Variants in WNK2 observed in about 807,000 individuals in gnomAD.
WNK2 encodes serine/threonine-protein kinase WNK2.
WNK2 carries 67 observed loss-of-function variants against 192.1 expected under a neutral mutation model. That is an observed-to-expected ratio of 0.35 (90% CI 0.29 to 0.43). The LOEUF (loss-of-function observed/expected upper bound fraction) is 0.43, where lower values mean the gene tolerates loss of function less well. WNK2 is among the 20% of genes least tolerant of loss of function. The pLI is 1.00. For synonymous variants in WNK2, 1,439 were observed against 1,393.9 expected (o/e 1.03, Z -0.72); for missense variants, 2,698 against 3,089.7 (o/e 0.87, Z 3.01).
Position 93,229,945 on chromosome 9 carries a change from G to A in WNK2, c.854+77G>A. 1 of 1,533,620 alleles carries A rather than the reference G, an allele frequency of 6.5e-7. No homozygotes were observed. Among genetic ancestry groups the A allele is most frequent in the South Asian group, 1.2e-5 (1 of 81,998 alleles). On this transcript the variant is annotated intron_variant, in intron 3 of 29. Transcript: ENST00000427277. The surrounding 1 kb of genome is among the most constrained non-coding windows in gnomAD (Gnocchi z 4.9). ...TACCATAGCTGAGGGTGAGGTCTTGGGCTGCTGGGGTGGTCCTGGCTGGTG... is the reference window on the plus strand; with the variant it reads ...TACCATAGCTGAGGGTGAGGTCTTGAGCTGCTGGGGTGGTCCTGGCTGGTG...
rs767357317 is a variant in WNK2, at chr9:93,320,387, G to A, written c.6649G>A (p.Asp2217Asn). The change falls in exon 30 of 30, where the codon GAC becomes AAC. Residue 2217 changes from aspartate to asparagine, a missense_variant. Physicochemically the swap from Asp to Asn is conservative, Grantham distance 23. Coordinates refer to ENST00000427277, the MANE Select transcript of WNK2 (RefSeq NM_006648.4). ...PTPDPESEKP[D>N] ...TCCAGATCCTGAGAGTGAGAAGCCT[G>A]ACTGACCCCGCCTAGACGCCAGGCC... 1 of 1,367,638 alleles carries A rather than the reference G, an allele frequency of 7.3e-7. No individual in the cohort carries two copies. Among genetic ancestry groups the A allele is most frequent in the East Asian group, 4.5e-5 (1 of 21,992 alleles). The allele number at this position is 1,367,638 out of a possible 1,614,324, so 84.7% of individuals were successfully genotyped here.
chr9:93,314,832 G>A (rs1164481728), intron 28 of WNK2, among the ~76,000 whole-genome samples: 1 of 152,180 alleles, frequency 6.6e-6, no homozygotes, highest in Admixed American at 6.5e-5. Context: ...CTTCTTTGGT[G>A]AGAGGAACGA....
chr9:93,248,427 A>T (rs931230189), intron 8 of WNK2, among the ~76,000 whole-genome samples: 8 of 152,176 alleles, frequency 5.3e-5, no homozygotes, highest in Non-Finnish European at 8.8e-5. Context: ...TGTGCTATGG[A>T]TCTGTGGATT....
intron 23 of WNK2, among the ~76,000 whole-genome samples, chr9:93,295,116 G>A (rs996692932): frequency 3.3e-5 from 5 of 152,172 alleles, no homozygotes; most frequent in East Asian, 1.9e-4. Context: ...GTCCCAGGCC[G>A]CGGGGCTCTG....
intron 13 of WNK2, 104 bp downstream of exon 13, chr9:93,262,211 G>T (rs1204786818): frequency 7.2e-7 from 1 of 1,386,064 alleles, no homozygotes; most frequent in Non-Finnish European, 9.6e-7. Context: ...GGGTTGCTTA[G>T]CTCTGGGACA....
chr9:93,308,227 C>T (rs979388423), intron 27 of WNK2, 101 bp from the exon 28 acceptor site: 53 of 1,475,514 alleles, frequency 3.6e-5, no homozygotes, highest in Admixed American at 1.4e-4. Flanking sequence ...CCAAGTGAGA[C>T]CATTGTCTCA....
intron 19 of WNK2, among the ~76,000 whole-genome samples, chr9:93,278,274 A>G (rs1847234617): frequency 6.6e-6 from 1 of 152,132 alleles, no homozygotes; most frequent in African/African-American, 2.4e-5. Context: ...GAGAGGAGAG[A>G]GCTGCGGAGA....
intron 23 of WNK2, among the ~76,000 whole-genome samples, chr9:93,296,648 CACCTTTCTCCCCTG>C: frequency 9.9e-6 from 1 of 100,652 alleles, no homozygotes; most frequent in Non-Finnish European, 2.1e-5. Flanking sequence ...ATCCTCCCCT[CACCTTTCTCCCCTG>C]CCCATCCTCC....
intron 19 of WNK2, among the ~76,000 whole-genome samples, chr9:93,276,713 C>G (rs1846947088): frequency 6.6e-6 from 1 of 152,150 alleles, no homozygotes; most frequent in Non-Finnish European, 1.5e-5. Context: ...TTAAAGAATT[C>G]TCAAAACTCA....
intron 16 of WNK2, among the ~76,000 whole-genome samples, chr9:93,266,549 G>T (rs563405086): frequency 3.9e-5 from 6 of 152,194 alleles, no homozygotes; most frequent in African/African-American, 1.2e-4. Context: ...TTAAATTCTC[G>T]TATGTGGCAC....
Position 93,289,515 on chromosome 9 carries a change from C to T in WNK2, c.4761C>T (p.Pro1587=). ...EVGDRDFTLE[P]LRGDQPRSEV... is the part of the protein sequence containing the mutation. ...GCGACAGAGACTTCACCCTGGAGCC[C>T]CTGAGAGGGGACCAGCCCCGCTCAG... Residue 1587 remains proline (P), a synonymous_variant, in exon 20 of 30, where the codon CCC becomes CCT. Coordinates refer to ENST00000427277, the MANE Select transcript of WNK2 (RefSeq NM_006648.4). The T allele has an allele frequency of 6.2e-7, 1 of 1,602,758 alleles. No individual in the cohort carries two copies. The highest frequency in any genetic ancestry group is 8.5e-7 in the Non-Finnish European group (1 of 1,172,554).
At chr9:93,253,753 C>CT (rs1162261247) in intron 9 of WNK2, among the ~76,000 whole-genome samples, 1 of 152,134 alleles carries the variant, frequency 6.6e-6, no homozygotes, top group South Asian at 2.1e-4. Flanking sequence ...ACGGGAAAGA[C>CT]TAAGATGAGT....
In WNK2 at chr9:93,289,446, C is replaced by T. The variant is rs56047895; in HGVS notation, c.4692C>T (p.His1564=). 1.4e-5 allele frequency: 22 copies of T among 1,612,698 alleles called. No homozygotes were observed. Among genetic ancestry groups the T allele is most frequent in the East Asian group, 6.7e-5 (3 of 44,872 alleles). ...TGCGGACTCTGCTCTACCAGGAGCA[C>T]GTGCCCACCTCCTCAGCCTCAGCTG... ...EKLRTLLYQE[H]VPTSSASAGT... The change falls in exon 20 of 30, where the codon CAC becomes CAT. Residue 1564 remains histidine, a synonymous_variant. Transcript: ENST00000427277.
chr9:93,236,287 C>T (rs1839800360), intron 5 of WNK2, among the ~76,000 whole-genome samples: 1 of 152,132 alleles, frequency 6.6e-6, no homozygotes, highest in South Asian at 2.1e-4. Flanking sequence ...GGTGGTGCTC[C>T]TCGACCCTGG....
At chr9:93,288,440 G>T (rs1313060798) in intron 19 of WNK2, among the ~76,000 whole-genome samples, 5 of 152,246 alleles carry the variant, frequency 3.3e-5, no homozygotes. Context: ...GCGGGTGAGG[G>T]TGTGGACAGA....
intron 7 of WNK2, among the ~76,000 whole-genome samples, chr9:93,242,391 CT>C (rs1390898292): frequency 6.6e-6 from 1 of 152,226 alleles, no homozygotes; most frequent in Non-Finnish European, 1.5e-5. Context: ...CCTGGAGGAT[CT>C]TTCCTTGCTC....
chr9:93,214,303 T>A (rs4744192), intron 2 of WNK2, among the ~76,000 whole-genome samples: 64,014 of 151,180 alleles, frequency 0.42, 14,765 homozygotes, highest in Admixed American at 0.52. Flanking sequence ...TTTTATATAT[T>A]TATTTATTTA....
intron 2 of WNK2, 89 bp downstream of exon 2, chr9:93,185,699 TAAG>T: frequency 3.4e-6 from 5 of 1,464,336 alleles, no homozygotes; most frequent in Non-Finnish European, 4.6e-6. Flanking sequence ...CGCCTGGCCT[TAAG>T]AAGCCCTGGG....
At chr9:93,287,747 A>G (rs949570160) in intron 19 of WNK2, among the ~76,000 whole-genome samples, 12 of 151,906 alleles carry the variant, frequency 7.9e-5, no homozygotes, top group Admixed American at 3.3e-4. Flanking sequence ...TTTTGTGTTC[A>G]TTTTCTTTGT....
Sources: allele counts gnomAD v4.1 joint callset (sites outside exome capture counted in the v4.1 genomes callset), GRCh38; gene constraint gnomAD v4.1.1; non-coding constraint Gnocchi (gnomAD v3.1); transcripts MANE v1.5; gene names NCBI Gene and HGNC (gene_info 2026-07-23, HGNC 2026-07-21).